CNTNAP3: variants seen among roughly 807,000 people sequenced by gnomAD.
CNTNAP3 encodes the protein contactin-associated protein-like 3.
CNTNAP3 carries 36 observed loss-of-function variants against 92.1 expected under a neutral mutation model. That is an observed-to-expected ratio of 0.39 (90% confidence interval 0.30 to 0.52). CNTNAP3 has a LOEUF of 0.52. CNTNAP3 is among the 20% of genes least tolerant of loss of function. The pLI is 0.76. For synonymous variants in CNTNAP3, 232 were observed against 422.3 expected (o/e 0.55, Z 5.53); for missense variants, 534 against 1,069.6 (o/e 0.50, Z 6.98).
At chr9:39,081,924 A>C (rs537834025) in intron 21 of CNTNAP3, among the ~76,000 whole-genome samples, 1 of 92,702 alleles carries the variant, frequency 1.1e-5, no homozygotes, top group Non-Finnish European at 2.5e-5. Flanking sequence ...TAAAAATACA[A>C]AAAAAAAAAA....
At chr9:39,128,392 A>G (rs1009161358) in intron 13 of CNTNAP3, among the ~76,000 whole-genome samples, 1 of 152,124 alleles carries the variant, frequency 6.6e-6, no homozygotes, top group Non-Finnish European at 1.5e-5. Context: ...TTTAAATTAT[A>G]CATTATGGCA....
intron 13 of CNTNAP3, among the ~76,000 whole-genome samples, chr9:39,127,734 G>A (rs561185423): frequency 2.0e-5 from 3 of 152,164 alleles, no homozygotes; most frequent in Admixed American, 2.0e-4. Context: ...GGTAATTTAA[G>A]TAATTGTAAC....
intron 13 of CNTNAP3, among the ~76,000 whole-genome samples, chr9:39,123,684 G>C (rs2778178): frequency 6.6e-6 from 1 of 151,966 alleles, no homozygotes; most frequent in Non-Finnish European, 1.5e-5. Flanking sequence ...AAATAAACCA[G>C]AGTAAAATAA....
intron 18 of CNTNAP3, among the ~76,000 whole-genome samples, chr9:39,090,188 C>G (rs1799223667): frequency 6.6e-6 from 1 of 152,192 alleles, no homozygotes; most frequent in Non-Finnish European, 1.5e-5. Flanking sequence ...ATCTGCCCAC[C>G]TCGGCCTCCC....
Position 39,140,643 on chromosome 9 carries a change from A to T in CNTNAP3, c.1757-5T>A. ...CACAAGACTGCTCGTAGAGAGCTGT[A>T]GGAGAACACCAGCCATAAGAACCAG... On this transcript the variant is annotated splice_polypyrimidine_tract_variant and splice_region_variant and intron_variant, in intron 11 of 23. Coordinates refer to ENST00000297668, the MANE Select transcript of CNTNAP3 (RefSeq NM_033655.5). 6.3e-7 allele frequency: 1 copy of T among 1,591,628 alleles called. No individual in the cohort carries two copies. Among genetic ancestry groups the T allele is most frequent in the Non-Finnish European group, 8.5e-7 (1 of 1,172,780 alleles).
chr9:39,126,272 G>A (rs1821150304), intron 13 of CNTNAP3, among the ~76,000 whole-genome samples: 1 of 152,170 alleles, frequency 6.6e-6, no homozygotes, highest in African/African-American at 2.4e-5. Context: ...AGAAAGTCTC[G>A]AGAGAAACAA....
At chr9:39,127,773 A>G (rs1821184400) in intron 13 of CNTNAP3, among the ~76,000 whole-genome samples, 1 of 152,156 alleles carries the variant, frequency 6.6e-6, no homozygotes, top group African/African-American at 2.4e-5. Context: ...CATAATTTAA[A>G]ATTACTGAAA....
intron 13 of CNTNAP3, among the ~76,000 whole-genome samples, chr9:39,129,633 G>A (rs1821228426): frequency 6.6e-6 from 1 of 152,092 alleles, no homozygotes; most frequent in Non-Finnish European, 1.5e-5. Flanking sequence ...ATGATAAACT[G>A]AATCTCATCA....
At chr9:39,127,539 A>C (rs980921681) in intron 13 of CNTNAP3, among the ~76,000 whole-genome samples, 2 of 152,182 alleles carry the variant, frequency 1.3e-5, no homozygotes, top group Non-Finnish European at 2.9e-5. Context: ...TGACAGAGAC[A>C]AAAACAGATG....
rs1207022775 is a variant in CNTNAP3 at position 39,069,569 on chromosome 9, T to TAAAC, written c.*4320_*4321insGTTT. ...AATGCAAAAATATAATTTTAGGTCA[T>TAAAC]AACCTATAGGCAATAAACTATGTTA... is the stretch of plus-strand genomic sequence containing the variant. On this transcript the variant is annotated 3_prime_UTR_variant, in exon 24 of 24. Transcript: ENST00000297668. Among the ~76,000 whole-genome samples, 1 of 149,780 alleles carries TAAAC rather than the reference T, an allele frequency of 6.7e-6. No individual in the cohort carries two copies. The highest frequency in any genetic ancestry group is 6.7e-5 in the Admixed American group (1 of 14,976).
chr9:39,110,930 T>C (rs1361842325), intron 14 of CNTNAP3, among the ~76,000 whole-genome samples: 1 of 152,182 alleles, frequency 6.6e-6, no homozygotes, highest in Non-Finnish European at 1.5e-5. Flanking sequence ...ATTTTTTAAA[T>C]TGCCCAGTTC....
intron 15 of CNTNAP3, among the ~76,000 whole-genome samples, chr9:39,104,421 T>C (rs1826545368): frequency 1.3e-5 from 2 of 151,264 alleles, no homozygotes; most frequent in Non-Finnish European, 2.9e-5. Flanking sequence ...GGTAGTTGGA[T>C]AAATGACTCC....
At chr9:39,090,868 T>C (rs1325176637) in intron 18 of CNTNAP3, among the ~76,000 whole-genome samples, 1 of 152,298 alleles carries the variant, frequency 6.6e-6, no homozygotes, top group Non-Finnish European at 1.5e-5. Flanking sequence ...TTTCTTTCAA[T>C]GCTTTATAGT....
Position 39,068,715 on chromosome 9 carries a change from C to T in CNTNAP3, c.*5175G>A, listed in dbSNP as rs1164967943. ...CTTCGTGTACCTGAACTCTCAGCAACAGCTACTCCATTCAGAGACTTGCTA... is the reference window on the plus strand; with the variant it reads ...CTTCGTGTACCTGAACTCTCAGCAATAGCTACTCCATTCAGAGACTTGCTA... On this transcript the variant is annotated 3_prime_UTR_variant, in exon 24 of 24. Coordinates refer to ENST00000297668, the MANE Select transcript of CNTNAP3 (RefSeq NM_033655.5). 6.6e-6 allele frequency among the ~76,000 whole-genome samples: 1 copy of T among 152,244 alleles called. No individual in the cohort carries two copies. The highest frequency in any genetic ancestry group is 1.5e-5 in the Non-Finnish European group (1 of 68,058).
intron 18 of CNTNAP3, among the ~76,000 whole-genome samples, chr9:39,091,659 A>C (rs1826205490): frequency 6.6e-6 from 1 of 151,814 alleles, no homozygotes; most frequent in African/African-American, 2.4e-5. Context: ...GTAGATTTAA[A>C]ATATATATAC....
intron 18 of CNTNAP3, among the ~76,000 whole-genome samples, chr9:39,096,986 TATTTTCAATTAC>T (rs1826341217): frequency 1.1e-5 from 1 of 90,458 alleles, no homozygotes; most frequent in Non-Finnish European, 2.4e-5. Flanking sequence ...TCTCTCCTGG[TATTTTCAATTAC>T]GTATATATTG....
Position 39,118,785 on chromosome 9 carries a change from C to G in CNTNAP3, c.2081-526G>C, listed in dbSNP as rs553108144. On this transcript the variant is annotated intron_variant, in intron 13 of 23. Transcript: ENST00000297668. ...TTTTATTGCATTGGATGTCCTGACT[C>G]TTTATTTGGAGGTTAAGGAATGACA... 3.1e-3 allele frequency among the ~76,000 whole-genome samples: 465 copies of G among 152,266 alleles called. 1 individual carries two copies. The highest frequency in any genetic ancestry group is 0.011 in the African/African-American group (450 of 41,558).
chr9:39,126,751 T>C (rs560285716), intron 13 of CNTNAP3, among the ~76,000 whole-genome samples: 7 of 151,886 alleles, frequency 4.6e-5, no homozygotes, highest in Non-Finnish European at 1.0e-4. Context: ...TAAAGCCTAT[T>C]AATATAAGAA....
At position 39,070,082 on chromosome 9, in the gene CNTNAP3, TTC is replaced by T. The variant is rs902333746; in HGVS notation, c.*3806_*3807del. ...ATTCAAGTATATTTTAATAATCCAT[TTC>T]TGTTACTTATATTATGGATTCAAGA... On this transcript the variant is annotated 3_prime_UTR_variant, in exon 24 of 24. Transcript: ENST00000297668. Among the ~76,000 whole-genome samples the T allele has an allele frequency of 7.5e-6, 1 of 133,538 alleles. No homozygotes were observed. The highest frequency in any genetic ancestry group is 2.9e-5 in the African/African-American group (1 of 34,228). 87.6% of individuals were successfully genotyped at this position (133,538 alleles called of 152,430 possible). A position where few individuals can be genotyped will look rare whatever the true frequency, so the allele number is the denominator to read the frequency against.
Sources: allele counts gnomAD v4.1 joint callset (sites outside exome capture counted in the v4.1 genomes callset), GRCh38; gene constraint gnomAD v4.1.1; transcripts MANE v1.5; gene names NCBI Gene and HGNC (gene_info 2026-07-23, HGNC 2026-07-21).